AGRN: variants seen among roughly 807,000 people sequenced by gnomAD.
AGRN encodes the protein agrin proteoglycan.
AGRN carries 106 observed loss-of-function variants against 211.0 expected under a neutral mutation model. The observed-to-expected ratio is 0.50, with a 90% CI of 0.43 to 0.59. AGRN has a LOEUF of 0.59. Ranked by LOEUF, AGRN falls within the 20% of genes least tolerant of loss-of-function variation. The pLI is 0.00. For synonymous variants in AGRN, 1,525 were observed against 1,332.5 expected (o/e 1.14, Z -3.15); for missense variants, 3,040 against 2,982.6 (o/e 1.02, Z -0.45).
Position 1,041,575 on chromosome 1 carries a change from T to C in AGRN, c.1050T>C (p.Pro350=). 6.2e-7 allele frequency: 1 copy of C among 1,605,400 alleles called. No homozygotes were observed. The highest frequency in any genetic ancestry group is 8.5e-7 in the Non-Finnish European group (1 of 1,177,142). The change falls in exon 6 of 36, where the codon CCT becomes CCC. Residue 350 remains proline, a synonymous_variant. Transcript: ENST00000379370. ...TGCTCCTACGGCCCGAGAGCTGCCC[T>C]GCCCGGCAGGCGCCAGTGTGTGGGG... The part of the protein sequence containing the change: ...PEMLLRPESC[P]ARQAPVCGDD...
intron 2 of AGRN, among the ~76,000 whole-genome samples, chr1:1,025,898 T>A (rs1278062774): frequency 6.6e-6 from 1 of 152,088 alleles, no homozygotes; most frequent in African/African-American, 2.4e-5. Context: ...GGGCTCCTGG[T>A]GGGAAGTCGG....
chr1:1,049,339 C>A lies in AGRN; in HGVS notation c.4402C>A (p.Leu1468Ile). 1 of 1,598,262 alleles carries A rather than the reference C, an allele frequency of 6.3e-7. No individual in the cohort carries two copies. The highest frequency in any genetic ancestry group is 8.5e-7 in the Non-Finnish European group (1 of 1,179,558). The change falls in exon 25 of 36, where the codon CTC becomes ATC. Residue 1468 changes from leucine (L) to isoleucine (I), a missense_variant. This residue lies in a region of AGRN where 1,537 missense variants were observed against 1,505.0 expected (regional missense o/e 1.02). Coordinates refer to ENST00000379370, the MANE Select transcript of AGRN (RefSeq NM_198576.4). ...ELSRHWRRGT[L>I]SVDGETPVLG... The stretch of plus-strand genomic sequence containing the variant: ...GTCCCGGCACTGGCGCCGGGGCACC[C>A]TCTCGGTGGATGGTGAGACCCCTGT...
At chr1:1,050,936 G>C in intron 30 of AGRN, 99 bp downstream of exon 30, 1 of 1,543,860 alleles carries the variant, frequency 6.5e-7, no homozygotes, top group Non-Finnish European at 8.8e-7. Flanking sequence ...CTGTTTTTCT[G>C]TCCTGTTCTC....
rs763573703 is a variant in AGRN, at chr1:1,046,480, G to GC, written c.3003dup (p.Gly1002ArgfsTer58). 102 of 1,604,870 alleles carry GC rather than the reference G, an allele frequency of 6.4e-5. No homozygotes were observed. Among genetic ancestry groups the GC allele is most frequent in the Middle Eastern group, 1.6e-4 (1 of 6,070 alleles). The stretch of plus-strand genomic sequence containing the variant: ...GCTCCTCCTGAGCCAGGCACTGCCG[G>GC]CCCCCCCCGGCGCCCTCCCCCTGGC... On this transcript the variant is annotated frameshift_variant, in exon 18 of 36. Coordinates refer to ENST00000379370, the MANE Select transcript of AGRN (RefSeq NM_198576.4). LOFTEE classifies it high-confidence loss of function.
chr1:1,034,965 G>C (rs545012420), intron 2 of AGRN: 15 of 503,562 alleles, frequency 3.0e-5, no homozygotes, highest in African/African-American at 2.7e-4. Flanking sequence ...CGGCAGTTGG[G>C]GGTAGGGCAG....
intron 35 of AGRN, 29 bp from the exon 36 acceptor site, chr1:1,054,795 C>T: frequency 6.5e-7 from 1 of 1,545,244 alleles, no homozygotes; most frequent in Non-Finnish European, 8.7e-7. Flanking sequence ...TGAGTCACAG[C>T]CGGGTGACTC....
In AGRN at chr1:1,020,309, T is replaced by C; in HGVS notation, c.137T>C (p.Val46Ala). The C allele has an allele frequency of 6.7e-7, 1 of 1,482,868 alleles. No homozygotes were observed. The allele number at this position is 1,482,868 out of a possible 1,614,324, so 91.9% of individuals were successfully genotyped here. Residue 46 changes from valine (V) to alanine (A), a missense_variant, in exon 1 of 36, where the codon GTG (valine) becomes GCG (alanine). Physicochemically the swap from Val to Ala is moderately conservative, Grantham distance 64. Around this residue, in one of 3 missense-constraint regions of AGRN, gnomAD observed 1,498 missense variants for 1,457.8 expected, o/e 1.03. Transcript: ENST00000379370. ...LERREEEANV[V>A]LTGTVEEILN... The stretch of plus-strand genomic sequence containing the variant: ...CGGCGCGAGGAGGAGGCGAACGTGG[T>C]GCTCACCGGGACGGTGGAGGAGATC...
rs1320242333 is a variant in AGRN, at chr1:1,048,409, G to A, written c.4105+44G>A. 5.3e-6 allele frequency: 7 copies of A among 1,329,170 alleles called. No individual in the cohort carries two copies. Among genetic ancestry groups the A allele is most frequent in the Non-Finnish European group, 7.0e-6 (7 of 996,116 alleles). 82.3% of individuals were successfully genotyped at this position (1,329,170 alleles called of 1,614,324 possible). The stretch of plus-strand genomic sequence containing the variant: ...GAGGAGGGCGGGGAGGCAGCAGGGT[G>A]GGGGCAAGGATTGGGGGTGGGGCTA... On this transcript the variant is annotated intron_variant, in intron 23 of 35. Transcript: ENST00000379370. The surrounding 1 kb of genome is among the most constrained non-coding windows in gnomAD (Gnocchi z 5.9).
In AGRN at chr1:1,022,317, G is replaced by T. The variant is rs1644424133; in HGVS notation, c.318G>T (p.Gln106His). The change falls in exon 2 of 36, where the codon CAG (glutamine) becomes CAT (histidine). Residue 106 changes from glutamine (Q) to histidine (H), a missense_variant. Transcript: ENST00000379370. ...GAGACCCCCTCATCTGTGACAACCA[G>T]GTGTCCACTGGGGACACCAGGATCT... Reference protein sequence around the residue: ...GFGDPLICDNQVSTGDTRIFF... With the variant: ...GFGDPLICDNHVSTGDTRIFF... 6.2e-7 allele frequency: 1 copy of T among 1,613,390 alleles called. No homozygotes were observed.
In AGRN at chr1:1,034,778, C is replaced by T. The variant is rs906302307; in HGVS notation, c.464-499C>T. 4.1e-6 allele frequency: 4 copies of T among 968,632 alleles called. No individual in the cohort carries two copies. The Admixed American group carries it at 1.5e-4, about 36-fold the overall frequency. The allele number at this position is 968,632 out of a possible 1,614,324, so 60.0% of individuals were successfully genotyped here. Reference sequence around the variant, plus strand: ...GCCCCTGCACATAGAGGCTGGAGGCCGCGGCGGGTCCGCGGGGCTCCCGGC... The same window carrying T: ...GCCCCTGCACATAGAGGCTGGAGGCTGCGGCGGGTCCGCGGGGCTCCCGGC... On this transcript the variant is annotated intron_variant, in intron 2 of 35. Coordinates refer to ENST00000379370, the MANE Select transcript of AGRN (RefSeq NM_198576.4).
rs1645427159 is a variant in AGRN, at chr1:1,055,407, C to T, written c.*426C>T. On this transcript the variant is annotated 3_prime_UTR_variant, in exon 36 of 36. Coordinates refer to ENST00000379370, the MANE Select transcript of AGRN (RefSeq NM_198576.4). ...TTCCAAGCCCCCATTTGAGCTGCTC[C>T]TTCCTGTGTGTGCTCTGGGCCCTGC... is the stretch of plus-strand genomic sequence containing the variant. 1 of 330,478 alleles carries T rather than the reference C, an allele frequency of 3.0e-6. No individual in the cohort carries two copies. Among genetic ancestry groups the T allele is most frequent in the Admixed American group, 4.2e-5 (1 of 23,642 alleles). The allele number at this position is 330,478 out of a possible 1,614,324, so 20.5% of individuals were successfully genotyped here. A position where few individuals can be genotyped will look rare whatever the true frequency, so the allele number is the denominator to read the frequency against.
In AGRN at chr1:1,046,616, C is replaced by T. The variant is rs200639334; in HGVS notation, c.3131C>T (p.Thr1044Met). Residue 1044 changes from threonine to methionine, a missense_variant, in exon 18 of 36, where the codon ACG becomes ATG. Physicochemically the swap from Thr to Met is moderately conservative, Grantham distance 81 (BLOSUM62 -1). Transcript: ENST00000379370. Reference protein sequence around the residue: ...TVWPVLTVPPTAPSPAPSLVA... With the variant: ...TVWPVLTVPPMAPSPAPSLVA... Reference sequence around the variant, plus strand: ...TGGCCCGTGCTGACGGTGCCCCCCACGGCACCCTCCCCTGCACCCAGCCTG... The same window carrying T: ...TGGCCCGTGCTGACGGTGCCCCCCATGGCACCCTCCCCTGCACCCAGCCTG... The T allele has an allele frequency of 1.4e-4, 222 of 1,603,170 alleles. No individual in the cohort carries two copies. Among genetic ancestry groups the T allele is most frequent in the South Asian group, 2.3e-4 (21 of 90,884 alleles).
At chr1:1,034,511 G>GC in intron 2 of AGRN, 3 of 985,820 alleles carry the variant, frequency 3.0e-6, no homozygotes, top group Non-Finnish European at 3.6e-6. Flanking sequence ...CCCGTGAGGA[G>GC]CCCCCACGCT....
chr1:1,034,714 G>A (rs1303019356), intron 2 of AGRN: 3 of 995,950 alleles, frequency 3.0e-6, no homozygotes, highest in Non-Finnish European at 3.6e-6. Flanking sequence ...GTAGGTGGCC[G>A]CGGGCGGGGC....
intron 1 of AGRN, among the ~76,000 whole-genome samples, chr1:1,021,449 G>A (rs1644401289): frequency 6.6e-6 from 1 of 152,232 alleles, no homozygotes; most frequent in Admixed American, 6.5e-5. Flanking sequence ...CAGGGGCTGC[G>A]CAGTGGACAG....
At chr1:1,052,060 CTCCA>C in intron 33 of AGRN, 1 of 1,485,858 alleles carries the variant, frequency 6.7e-7, no homozygotes, top group Non-Finnish European at 9.0e-7. Context: ...ACTCCCACTC[CTCCA>C]TCCTTCCTGG....
intron 1 of AGRN, among the ~76,000 whole-genome samples, chr1:1,020,851 G>GGT (rs1029376668): frequency 3.3e-5 from 5 of 149,708 alleles, no homozygotes; most frequent in South Asian, 4.2e-4. Flanking sequence ...GTGGTGCGGG[G>GGT]GGGGGGCGTG....
At position 1,043,675 on chromosome 1, in the gene AGRN, C is replaced by T. The variant is rs772572959; in HGVS notation, c.1741C>T (p.His581Tyr). The change falls in exon 9 of 36, where the codon CAC (histidine) becomes TAC (tyrosine). Residue 581 changes from histidine to tyrosine, a missense_variant. Transcript: ENST00000379370. ...GHTYPSECMLHVHACTHQISL... is the reference protein window; with the variant it reads ...GHTYPSECMLYVHACTHQISL... ...CACGTACCCCAGCGAGTGCATGCTG[C>T]ACGTGCACGCCTGCACACACCAGAT... 2 of 1,600,924 alleles carry T rather than the reference C, an allele frequency of 1.2e-6. No individual in the cohort carries two copies. The highest frequency in any genetic ancestry group is 1.1e-5 in the South Asian group (1 of 91,072).
chr1:1,053,322 T>C (rs578013163), intron 33 of AGRN: 18 of 731,052 alleles, frequency 2.5e-5, no homozygotes, highest in Admixed American at 1.1e-4. Context: ...CTGGGCTCTT[T>C]GGTGGGCGGC....
Sources: allele counts gnomAD v4.1 joint callset (sites outside exome capture counted in the v4.1 genomes callset), GRCh38; gene constraint gnomAD v4.1.1; regional missense constraint gnomAD v4.1.1; non-coding constraint Gnocchi (gnomAD v3.1); transcripts MANE v1.5; gene names NCBI Gene and HGNC (gene_info 2026-07-23, HGNC 2026-07-21).